FSD1: variants seen among roughly 807,000 people sequenced by gnomAD.
FSD1 encodes fibronectin type III and SPRY domain-containing protein 1.
Under a neutral mutation model 58.2 loss-of-function variants are expected in FSD1, and 23 were observed. The observed-to-expected ratio is 0.40, with a 90% confidence interval of 0.28 to 0.56. The LOEUF is 0.56. Ranked by LOEUF, FSD1 falls within the 20% of genes least tolerant of loss-of-function variation. The pLI is 0.54. For missense variants in FSD1, 563 were observed against 670.8 expected, an observed-to-expected ratio of 0.84 and a Z score of 1.78; for synonymous variants, 265 against 263.4, an observed-to-expected ratio of 1.01 and a Z score of -0.06.
intron 4 of FSD1, among the ~76,000 whole-genome samples, chr19:4,308,593 C>T (rs565340844): frequency 6.6e-6 from 1 of 151,808 alleles, no homozygotes; most frequent in Admixed American, 6.6e-5. Context: ...CACAGGGGCT[C>T]ATGCCTGTAA....
rs1175535639 is a variant in FSD1 at position 4,310,257 on chromosome 19, C to G, written c.346-16C>G. 9 of 1,614,040 alleles carry G rather than the reference C, an allele frequency of 5.6e-6. No individual in the cohort carries two copies. Among genetic ancestry groups the G allele is most frequent in the Non-Finnish European group, 7.6e-6 (9 of 1,179,904 alleles). ...AAAAAAGAAATCTTTGAATGTTGTTCTGTTCCTCTCTCTAGGCTGCCAAGC... is the reference window on the plus strand; with the variant it reads ...AAAAAAGAAATCTTTGAATGTTGTTGTGTTCCTCTCTCTAGGCTGCCAAGC... On this transcript the variant is annotated splice_polypyrimidine_tract_variant and intron_variant, in intron 4 of 12. Transcript: ENST00000221856.
chr19:4,320,129 A>G (rs1168400536), intron 10 of FSD1, among the ~76,000 whole-genome samples: 1 of 151,986 alleles, frequency 6.6e-6, no homozygotes, highest in African/African-American at 2.4e-5. Context: ...CCTGGAGAGT[A>G]TCTGGCTTGG....
intron 4 of FSD1, among the ~76,000 whole-genome samples, chr19:4,309,789 G>A (rs1272649261): frequency 6.6e-6 from 1 of 150,986 alleles, no homozygotes; most frequent in African/African-American, 2.4e-5. Flanking sequence ...GGCGCCTGTA[G>A]TCCCAGCTAC....
At chr19:4,317,301 T>G in intron 8 of FSD1, 21 bp downstream of exon 8, 2 of 1,397,024 alleles carry the variant, frequency 1.4e-6, no homozygotes, top group Non-Finnish European at 2.0e-6. Flanking sequence ...TCCACCCTTG[T>G]CCTACCCCTA....
chr19:4,310,719 T>A, intron 6 of FSD1, 123 bp downstream of exon 6: 1 of 1,184,020 alleles, frequency 8.4e-7, no homozygotes, highest in Non-Finnish European at 1.2e-6. Flanking sequence ...CTGGGGGAGG[T>A]GGAGCTCTGA....
chr19:4,318,459 A>G lies in FSD1; in HGVS notation c.913A>G (p.Lys305Glu). ...GGTGCAGGATATCAAGGCTCGCGAG[A>G]AAGATGGCAAGGGGCGGACGGCGTC... is the stretch of plus-strand genomic sequence containing the variant. ...GKVQDIKAREKDGKGRTASPI... is the reference protein window; with the variant it reads ...GKVQDIKAREEDGKGRTASPI... The change falls in exon 9 of 13, where the codon AAA becomes GAA. Residue 305 changes from lysine to glutamate, a missense_variant. By Grantham distance (56) the Lys-to-Glu change is moderately conservative. Coordinates refer to ENST00000221856, the MANE Select transcript of FSD1 (RefSeq NM_024333.3). 6.2e-7 allele frequency: 1 copy of G among 1,613,550 alleles called. No individual in the cohort carries two copies. Among genetic ancestry groups the G allele is most frequent in the Non-Finnish European group, 8.5e-7 (1 of 1,179,860 alleles).
At chr19:4,317,361 G>A (rs1360723468) in intron 8 of FSD1, 81 bp downstream of exon 8, 4 of 903,886 alleles carry the variant, frequency 4.4e-6, no homozygotes, top group East Asian at 4.9e-5. Flanking sequence ...GAGAATCCTC[G>A]AAGCAGGGTT....
chr19:4,310,001 G>T (rs1326484920), intron 4 of FSD1, among the ~76,000 whole-genome samples: 1 of 151,976 alleles, frequency 6.6e-6, no homozygotes, highest in Non-Finnish European at 1.5e-5. Context: ...GCTGAGGCAG[G>T]CGGATCACCT....
Position 4,310,715 on chromosome 19 carries a change from G to C in FSD1, c.490+119G>C, listed in dbSNP as rs1971680069. 9.9e-6 allele frequency: 12 copies of C among 1,212,326 alleles called. No homozygotes were observed. In the South Asian group the frequency reaches 1.7e-4, roughly 17 times the overall value. 75.1% of individuals were successfully genotyped at this position (1,212,326 alleles called of 1,614,324 possible). A position where few individuals can be genotyped will look rare whatever the true frequency, so the allele number is the denominator to read the frequency against. ...CCCGGTGTCTGAATTCCGCCTGGGG[G>C]AGGTGGAGCTCTGAGAATTCCACGC... On this transcript the variant is annotated intron_variant, in intron 6 of 12. Transcript: ENST00000221856.
rs773984214 is a variant in FSD1 at position 4,323,014 on chromosome 19, T to C, written c.1068T>C (p.His356=). Residue 356 remains histidine (H), a synonymous_variant, in exon 11 of 13, where the codon CAT becomes CAC. Transcript: ENST00000221856. This position sits in a 1 kb window ranked among gnomAD's most constrained non-coding sequence, Gnocchi z 7.7. The part of the protein sequence containing the change: ...LGDTLIDGGE[H]YWEVRYEPDS... ...ACACGCTGATCGACGGCGGGGAGCATTACTGGGAGGTGCGCTACGAGCCGG... is the reference window on the plus strand; with the variant it reads ...ACACGCTGATCGACGGCGGGGAGCACTACTGGGAGGTGCGCTACGAGCCGG... 7.7e-5 allele frequency: 124 copies of C among 1,611,658 alleles called. No individual in the cohort carries two copies. In the Middle Eastern group the frequency reaches 3.5e-3, roughly 46 times the overall value.
chr19:4,316,973 G>A (rs1203156056), intron 7 of FSD1, among the ~76,000 whole-genome samples: 1 of 151,972 alleles, frequency 6.6e-6, no homozygotes, highest in Non-Finnish European at 1.5e-5. Context: ...GGCTGGTCTC[G>A]AACTCCCAAC....
At chr19:4,312,885 C>T (rs986793743) in intron 7 of FSD1, among the ~76,000 whole-genome samples, 1 of 151,564 alleles carries the variant, frequency 6.6e-6, no homozygotes, top group African/African-American at 2.4e-5. Flanking sequence ...CTGCCATTTC[C>T]CTAGGCTGGT....
intron 10 of FSD1, among the ~76,000 whole-genome samples, chr19:4,319,355 T>A (rs1971790059): frequency 1.3e-5 from 2 of 152,170 alleles, no homozygotes; most frequent in Middle Eastern, 6.8e-3. Flanking sequence ...TTTTGGGGGA[T>A]CACCTGAGGG....
chr19:4,313,253 ATTGT>A (rs1402294508), intron 7 of FSD1, among the ~76,000 whole-genome samples: 1 of 151,558 alleles, frequency 6.6e-6, no homozygotes, highest in Non-Finnish European at 1.5e-5. Context: ...AGGTGGGAGG[ATTGT>A]TTGAGCCCAA....
At chr19:4,306,595 G>A (rs1971625480) in intron 3 of FSD1, among the ~76,000 whole-genome samples, 1 of 151,830 alleles carries the variant, frequency 6.6e-6, no homozygotes, top group South Asian at 2.1e-4. Flanking sequence ...AGCCTCCCAA[G>A]TAGCTGGGAT....
chr19:4,316,519 A>C (rs1439075111), intron 7 of FSD1, among the ~76,000 whole-genome samples: 1 of 151,854 alleles, frequency 6.6e-6, no homozygotes, highest in East Asian at 1.9e-4. Context: ...CCGCACCCAG[A>C]CTAATTTTTT....
chr19:4,312,523 G>A (rs1294376310), intron 7 of FSD1, among the ~76,000 whole-genome samples: 1 of 150,460 alleles, frequency 6.6e-6, no homozygotes, highest in African/African-American at 2.5e-5. Flanking sequence ...ATGAATATAG[G>A]CCGGGCGCGG....
chr19:4,306,858 C>T lies in FSD1; in HGVS notation c.243+529C>T, dbSNP rs552903173. On this transcript the variant is annotated intron_variant, in intron 3 of 12. Transcript: ENST00000221856. ...AGTGCCTCCGGTTTCTCAGCCCTTC[C>T]CACTGGCCCCCCAGATCTGAAGGTA... Among the ~76,000 whole-genome samples, 3 of 152,210 alleles carry T rather than the reference C, an allele frequency of 2.0e-5. No homozygotes were observed. In the South Asian group the frequency reaches 6.2e-4, roughly 32 times the overall value.
chr19:4,318,599 G>C, intron 9 of FSD1, 94 bp downstream of exon 9: 1 of 1,172,148 alleles, frequency 8.5e-7, no homozygotes, highest in Non-Finnish European at 1.2e-6. Flanking sequence ...GGGGTGGAGA[G>C]GGGACCTGGG....
Sources: allele counts gnomAD v4.1 joint callset (sites outside exome capture counted in the v4.1 genomes callset), GRCh38; gene constraint gnomAD v4.1.1; non-coding constraint Gnocchi (gnomAD v3.1); transcripts MANE v1.5; gene names NCBI Gene and HGNC (gene_info 2026-07-23, HGNC 2026-07-21).